Variants in TMEM132D observed in about 807,000 individuals in gnomAD.
TMEM132D encodes mature OL transmembrane protein.
Under a neutral mutation model 62.3 loss-of-function variants are expected in TMEM132D, and 21 were observed. That is an observed-to-expected ratio of 0.34 (90% confidence interval 0.24 to 0.49). The LOEUF (loss-of-function observed/expected upper bound fraction) is 0.49. TMEM132D is among the 20% of genes least tolerant of loss of function. The pLI is 0.99. For missense variants in TMEM132D, 1,346 were observed against 1,402.8 expected (o/e 0.96, Z 0.65); for synonymous variants, 621 against 575.6 (o/e 1.08, Z -1.13).
At chr12:129,510,887 A>C (rs1224522533) in intron 3 of TMEM132D, among the ~76,000 whole-genome samples, 1 of 152,132 alleles carries the variant, frequency 6.6e-6, no homozygotes, top group Non-Finnish European at 1.5e-5. Context: ...CAGGTTCTCT[A>C]TTCTGTTCCA....
At chr12:129,306,255 A>G (rs1346715913) in intron 4 of TMEM132D, among the ~76,000 whole-genome samples, 1 of 152,256 alleles carries the variant, frequency 6.6e-6, no homozygotes, top group African/African-American at 2.4e-5. Flanking sequence ...TGCAAAATTA[A>G]GAAAGTTTGA....
At chr12:129,157,514 T>A (rs1877281870) in intron 5 of TMEM132D, among the ~76,000 whole-genome samples, 1 of 152,266 alleles carries the variant, frequency 6.6e-6, no homozygotes, top group African/African-American at 2.4e-5. Context: ...TAGTTTTTCA[T>A]TTCAGTTAAC....
At chr12:129,774,176 G>GC (rs1206451953) in intron 1 of TMEM132D, among the ~76,000 whole-genome samples, 4 of 152,054 alleles carry the variant, frequency 2.6e-5, no homozygotes, top group African/African-American at 4.8e-5. Flanking sequence ...TGTGTCCCAG[G>GC]CCCCCCCAAA....
intron 3 of TMEM132D, among the ~76,000 whole-genome samples, chr12:129,450,063 GT>G (rs1239343425): frequency 2.1e-4 from 32 of 152,092 alleles, no homozygotes; most frequent in Admixed American, 2.0e-3. Flanking sequence ...TTCTGCACGG[GT>G]TTTTTTCTCG....
chr12:129,447,984 G>C (rs1873157429), intron 3 of TMEM132D, among the ~76,000 whole-genome samples: 1 of 152,148 alleles, frequency 6.6e-6, no homozygotes, highest in Non-Finnish European at 1.5e-5. Context: ...TATATCTTCA[G>C]GATAAGCATG....
intron 1 of TMEM132D, among the ~76,000 whole-genome samples, chr12:129,836,761 C>T (rs1020780812): frequency 5.3e-5 from 8 of 152,120 alleles, no homozygotes; most frequent in African/African-American, 1.7e-4. Context: ...TAAAATGACT[C>T]TCTAGGTGTG....
chr12:129,257,154 A>G (rs1477400092), intron 4 of TMEM132D, among the ~76,000 whole-genome samples: 1 of 151,556 alleles, frequency 6.6e-6, no homozygotes, highest in Non-Finnish European at 1.5e-5. Flanking sequence ...TCAATTGATC[A>G]TGGAAGTGGG....
chr12:129,339,007 G>T (rs1159846781), intron 3 of TMEM132D, among the ~76,000 whole-genome samples: 1 of 152,078 alleles, frequency 6.6e-6, no homozygotes, highest in Non-Finnish European at 1.5e-5. Flanking sequence ...GGGAAAAATG[G>T]AAGGAGAGAG....
In TMEM132D at chr12:129,272,189, G is replaced by T. The variant is rs1024055286; in HGVS notation, c.1300-62526C>A. ...TTTGCTATTCCAAGTGTGGTTTTAG[G>T]ATCGGCAGGGACCGCATGCCCTGGG... On this transcript the variant is annotated intron_variant, in intron 4 of 8. Transcript: ENST00000422113. Among the ~76,000 whole-genome samples, 60 of 151,978 alleles carry T rather than the reference G, an allele frequency of 3.9e-4. 1 individual carries two copies. The highest frequency in any genetic ancestry group is 1.4e-3 in the African/African-American group (59 of 41,232).
chr12:129,495,978 A>T (rs1874941875), intron 3 of TMEM132D, among the ~76,000 whole-genome samples: 1 of 152,196 alleles, frequency 6.6e-6, no homozygotes, highest in Non-Finnish European at 1.5e-5. Flanking sequence ...AAACTCAGTA[A>T]GGCAGGGGGC....
rs114315047 is a variant in TMEM132D, at chr12:129,690,628, A to C, written c.968+9182T>G. ...AGCATTACATAATGACAAATGGGCT[A>C]ATTATCCAAGAAGTTACAACAATCC... On this transcript the variant is annotated intron_variant, in intron 2 of 8. Coordinates refer to ENST00000422113, the MANE Select transcript of TMEM132D (RefSeq NM_133448.3). Among the ~76,000 whole-genome samples the C allele has an allele frequency of 4.4e-3, 665 of 152,306 alleles. 1 individual carries two copies. The highest frequency in any genetic ancestry group is 0.015 in the African/African-American group (631 of 41,596).
rs1475004095 is a variant in TMEM132D, at chr12:129,731,521, G to A, written c.80-30823C>T. On this transcript the variant is annotated intron_variant, in intron 1 of 8. Coordinates refer to ENST00000422113, the MANE Select transcript of TMEM132D (RefSeq NM_133448.3). The stretch of plus-strand genomic sequence containing the variant: ...AAGTAACCAAGGGCATATCCAGGGA[G>A]GACACTGAAGACCTGCCAGGTGTGT... 2.0e-5 allele frequency among the ~76,000 whole-genome samples: 3 copies of A among 152,240 alleles called. No homozygotes were observed. The East Asian group carries it at 5.8e-4, about 29-fold the overall frequency.
At chr12:129,377,740 AC>A (rs1292433137) in intron 3 of TMEM132D, among the ~76,000 whole-genome samples, 2 of 152,218 alleles carry the variant, frequency 1.3e-5, no homozygotes, top group African/African-American at 4.8e-5. Flanking sequence ...TTGAGTATTT[AC>A]AAAGAAATAC....
intron 2 of TMEM132D, among the ~76,000 whole-genome samples, chr12:129,693,647 T>C (rs552282295): frequency 1.3e-5 from 2 of 152,226 alleles, no homozygotes; most frequent in African/African-American, 2.4e-5. Flanking sequence ...TTACGATCAA[T>C]AGAATAAACC....
chr12:129,463,792 A>G (rs1030078744), intron 3 of TMEM132D, among the ~76,000 whole-genome samples: 5 of 152,250 alleles, frequency 3.3e-5, no homozygotes, highest in African/African-American at 1.2e-4. Flanking sequence ...TGTCCCTACA[A>G]AGGACATAAA....
chr12:129,209,531 C>T lies in TMEM132D; in HGVS notation c.1432G>A (p.Asp478Asn), dbSNP rs1878962302. The T allele has an allele frequency of 6.3e-7, 1 of 1,592,256 alleles. No individual in the cohort carries two copies. The highest frequency in any genetic ancestry group is 2.3e-5 in the East Asian group (1 of 44,030). ...AGGTGTCAACTTGCCTTAATCACGT[C>T]TTCATCAGACGATCTACACTCCACA... ...ESVECRSSDEDVIKVSDRCDY... is the reference protein window; with the variant it reads ...ESVECRSSDENVIKVSDRCDY... Residue 478 changes from aspartate (D) to asparagine (N), a missense_variant, in exon 5 of 9, where the codon GAC becomes AAC. Coordinates refer to ENST00000422113, the MANE Select transcript of TMEM132D (RefSeq NM_133448.3).
chr12:129,369,623 G>T (rs1489850096), intron 3 of TMEM132D, among the ~76,000 whole-genome samples: 1 of 152,242 alleles, frequency 6.6e-6, no homozygotes, highest in Non-Finnish European at 1.5e-5. Flanking sequence ...CCTAGCCATT[G>T]AGAGGCTGTT....
intron 2 of TMEM132D, chr12:129,683,089 A>G (rs1163713628): frequency 5.3e-5 from 8 of 152,088 alleles, no homozygotes. Context: ...TATATGTTAA[A>G]TAAAGAAAAT....
At chr12:129,333,605 C>G (rs1869183404) in intron 4 of TMEM132D, among the ~76,000 whole-genome samples, 1 of 152,184 alleles carries the variant, frequency 6.6e-6, no homozygotes, top group South Asian at 2.1e-4. Context: ...TCAGCCAGGA[C>G]AGTCCAGGAC....
Sources: allele counts gnomAD v4.1 joint callset (sites outside exome capture counted in the v4.1 genomes callset), GRCh38; gene constraint gnomAD v4.1.1; transcripts MANE v1.5; gene names NCBI Gene and HGNC (gene_info 2026-07-23, HGNC 2026-07-21).